MRPL13: variants seen among roughly 807,000 people sequenced by gnomAD.
MRPL13 encodes the protein large ribosomal subunit protein uL13m.
MRPL13 carries 33 observed loss-of-function variants against 29.0 expected under a neutral mutation model. That is an observed-to-expected ratio of 1.14 (90% CI 0.86 to 1.52). MRPL13 has a LOEUF of 1.52. Ranked by LOEUF, MRPL13 falls within the 40% of genes most tolerant of loss-of-function variation. MRPL13 has a pLI of 0.00. For synonymous variants in MRPL13, 77 were observed against 68.4 expected (o/e 1.13, Z -0.62); for missense variants, 227 against 216.7 (o/e 1.05, Z -0.30).
intron 6 of MRPL13, among the ~76,000 whole-genome samples, chr8:120,400,562 A>G (rs1293466527): frequency 6.6e-6 from 1 of 152,102 alleles, no homozygotes; most frequent in Non-Finnish European, 1.5e-5. Context: ...TTGCAACAAA[A>G]AGAACTAGAG....
At chr8:120,418,893 G>A (rs1812836664) in intron 5 of MRPL13, among the ~76,000 whole-genome samples, 1 of 151,876 alleles carries the variant, frequency 6.6e-6, no homozygotes, top group South Asian at 2.1e-4. Context: ...TTTTGATAAA[G>A]CATGAATAAC....
chr8:120,413,389 TG>T (rs1402730527), intron 6 of MRPL13, among the ~76,000 whole-genome samples: 1 of 152,104 alleles, frequency 6.6e-6, no homozygotes, highest in East Asian at 1.9e-4. Flanking sequence ...GAACCCATAA[TG>T]AGAGCCTAAC....
chr8:120,434,626 G>A (rs971213457), intron 2 of MRPL13, among the ~76,000 whole-genome samples: 1 of 152,052 alleles, frequency 6.6e-6, no homozygotes, highest in African/African-American at 2.4e-5. Context: ...ATTCTTTTCT[G>A]CTAAATTCTA....
intron 5 of MRPL13, among the ~76,000 whole-genome samples, chr8:120,418,890 A>T (rs1191317120): frequency 6.6e-6 from 1 of 152,058 alleles, no homozygotes; most frequent in Admixed American, 6.6e-5. Context: ...TCATTTTGAT[A>T]AAGCATGAAT....
chr8:120,399,239 CAGAG>C (rs1197325535), intron 6 of MRPL13, among the ~76,000 whole-genome samples: 1 of 152,050 alleles, frequency 6.6e-6, no homozygotes, highest in Non-Finnish European at 1.5e-5. Flanking sequence ...TAAGGACAGC[CAGAG>C]AGAAAGGCCA....
chr8:120,434,043 C>G (rs1047941611), intron 2 of MRPL13, among the ~76,000 whole-genome samples: 9 of 152,040 alleles, frequency 5.9e-5, no homozygotes, highest in Non-Finnish European at 1.2e-4. Flanking sequence ...CTAACTTTAT[C>G]TGACTCCTCA....
At chr8:120,413,125 T>C (rs1420465701) in intron 6 of MRPL13, among the ~76,000 whole-genome samples, 1 of 152,012 alleles carries the variant, frequency 6.6e-6, no homozygotes, top group Non-Finnish European at 1.5e-5. Context: ...GTGAAAAAAA[T>C]GAAAAGTGGT....
At chr8:120,437,551 C>CAT (rs1481079097) in intron 2 of MRPL13, among the ~76,000 whole-genome samples, 1 of 152,100 alleles carries the variant, frequency 6.6e-6, no homozygotes, top group Non-Finnish European at 1.5e-5. Context: ...CACTAATCAC[C>CAT]ATATATAACC....
intron 6 of MRPL13, among the ~76,000 whole-genome samples, chr8:120,402,218 G>C (rs563796654): frequency 6.6e-6 from 1 of 152,266 alleles, no homozygotes; most frequent in African/African-American, 2.4e-5. Context: ...AAAGAACAAA[G>C]CTGAAGGCAC....
intron 6 of MRPL13, among the ~76,000 whole-genome samples, chr8:120,406,477 G>A (rs1448610202): frequency 6.6e-6 from 1 of 151,812 alleles, no homozygotes; most frequent in Non-Finnish European, 1.5e-5. Flanking sequence ...TGCTGTGGGC[G>A]CCGGGAATAA....
chr8:120,438,615 A>C (rs1813081251), intron 2 of MRPL13, among the ~76,000 whole-genome samples: 1 of 152,228 alleles, frequency 6.6e-6, no homozygotes, highest in African/African-American at 2.4e-5. Context: ...CTGCAAAGAC[A>C]ACCTAAGAGA....
rs777729517 is a variant in MRPL13, at chr8:120,445,118, C to T, written c.-24G>A. ...ATATTCCTCTACTAGCAGGACCGTA[C>T]GTCCTTCTCCTAGTAGCCACGCCGG... On this transcript the variant is annotated 5_prime_UTR_variant, in exon 1 of 7. Coordinates refer to ENST00000306185, the MANE Select transcript of MRPL13 (RefSeq NM_014078.6). 4 of 1,613,818 alleles carry T rather than the reference C, an allele frequency of 2.5e-6. No individual in the cohort carries two copies. Among genetic ancestry groups the T allele is most frequent in the African/African-American group, 1.3e-5 (1 of 74,896 alleles).
intron 6 of MRPL13, among the ~76,000 whole-genome samples, chr8:120,399,883 A>T (rs536415503): frequency 6.6e-6 from 1 of 152,344 alleles, no homozygotes; most frequent in South Asian, 2.1e-4. Context: ...ACCAAAATTA[A>T]AAAAGACAGA....
At chr8:120,423,336 G>A (rs890399448) in intron 4 of MRPL13, among the ~76,000 whole-genome samples, 1 of 151,824 alleles carries the variant, frequency 6.6e-6, no homozygotes, top group Non-Finnish European at 1.5e-5. Context: ...CCAAAGGGAA[G>A]AAACAGAGAA....
chr8:120,443,673 T>C (rs958771282), intron 1 of MRPL13, among the ~76,000 whole-genome samples: 1 of 151,404 alleles, frequency 6.6e-6, no homozygotes, highest in Admixed American at 6.6e-5. Flanking sequence ...AATGAGAAGC[T>C]TGTAAGAAAG....
chr8:120,396,171 T>C (rs1368881400), intron 6 of MRPL13, 46 bp from the exon 7 acceptor site: 2 of 1,427,568 alleles, frequency 1.4e-6, no homozygotes, highest in Non-Finnish European at 1.9e-6. Flanking sequence ...ATTATTTTGT[T>C]TTCTCCTGAC....
chr8:120,430,777 A>G (rs1812988063), intron 3 of MRPL13, among the ~76,000 whole-genome samples: 1 of 152,214 alleles, frequency 6.6e-6, no homozygotes, highest in South Asian at 2.1e-4. Flanking sequence ...CACTACTGAC[A>G]GGGACACTAC....
In MRPL13 at chr8:120,425,478, T is replaced by G. The variant is rs370852644; in HGVS notation, c.246-112A>C. The G allele has an allele frequency of 2.5e-4, 174 of 709,448 alleles. 2 individuals are homozygous for G. In the African/African-American group the frequency reaches 2.8e-3, roughly 12 times the overall value. The allele number at this position is 709,448 out of a possible 1,614,324, so 43.9% of individuals were successfully genotyped here. ...TAATAAATTGTTTCTCGAAACTGCT[T>G]TTCATTAGTGTTTTCAAAATTAAGT... is the stretch of plus-strand genomic sequence containing the variant. On this transcript the variant is annotated intron_variant, in intron 3 of 6. Coordinates refer to ENST00000306185, the MANE Select transcript of MRPL13 (RefSeq NM_014078.6).
chr8:120,416,401 G>C (rs1004580775), intron 5 of MRPL13, among the ~76,000 whole-genome samples: 8 of 152,194 alleles, frequency 5.3e-5, no homozygotes, highest in African/African-American at 1.9e-4. Context: ...GGCTGAGGCA[G>C]GAGAATGGCG....
Sources: allele counts gnomAD v4.1 joint callset (sites outside exome capture counted in the v4.1 genomes callset), GRCh38; gene constraint gnomAD v4.1.1; transcripts MANE v1.5; gene names NCBI Gene and HGNC (gene_info 2026-07-23, HGNC 2026-07-21).